XKR9: variants seen among roughly 807,000 people sequenced by gnomAD.
XKR9 encodes the protein XK related 9.
XKR9 carries 32 observed loss-of-function variants against 32.0 expected under a neutral mutation model. The observed-to-expected ratio is 1.00, with a 90% confidence interval of 0.76 to 1.34. The LOEUF is 1.34. XKR9 is among the 40% of genes most tolerant of loss of function. The probability of loss-of-function intolerance (pLI) is 0.00; values close to 1 mark genes in which losing one functional copy is unlikely to be tolerated. For synonymous variants in XKR9, 168 were observed against 143.4 expected (o/e 1.17, Z -1.22); for missense variants, 546 against 429.7 (o/e 1.27, Z -2.39).
At chr8:70,976,765 A>G in the XKR9 span, among the ~76,000 whole-genome samples, 3 of 152,140 alleles carry the variant, frequency 2.0e-5, no homozygotes, top group South Asian at 6.2e-4. Flanking sequence ...CTCTTTTTCT[A>G]TTGATTGGAA....
the XKR9 span, among the ~76,000 whole-genome samples, chr8:71,042,243 A>T: frequency 1.3e-5 from 2 of 152,130 alleles, no homozygotes; most frequent in Admixed American, 6.5e-5. Flanking sequence ...CATATCTACC[A>T]AGGGAAGCAC....
In XKR9 at chr8:70,734,572, A is replaced by T. The variant is rs945020654; in HGVS notation, c.*148A>T. 7.2e-5 allele frequency: 76 copies of T among 1,062,658 alleles called. 3 individuals are homozygous for T. Among genetic ancestry groups the T allele is most frequent in the Admixed American group, 5.7e-4 (14 of 24,594 alleles). The allele number at this position is 1,062,658 out of a possible 1,614,324, so 65.8% of individuals were successfully genotyped here. On this transcript the variant is annotated 3_prime_UTR_variant, in exon 5 of 5. Coordinates refer to ENST00000408926, the MANE Select transcript of XKR9 (RefSeq NM_001011720.2). ...AATAGGAGATACATAGTAGTATTTT[A>T]TTTTTAAAATTAATTTCTCATTTGG...
chr8:70,873,041 T>G, the XKR9 span, among the ~76,000 whole-genome samples: 2 of 152,214 alleles, frequency 1.3e-5, no homozygotes, highest in African/African-American at 2.4e-5. Context: ...CTGAATTGAC[T>G]CTGCCTGTGC....
intron 3 of XKR9, among the ~76,000 whole-genome samples, chr8:70,704,791 C>G (rs1038198697): frequency 6.6e-6 from 1 of 152,128 alleles, no homozygotes; most frequent in African/African-American, 2.4e-5. Context: ...TGTCAGATAC[C>G]CAGAAAAGGC....
chr8:70,797,297 G>A, the XKR9 span, among the ~76,000 whole-genome samples: 1 of 152,146 alleles, frequency 6.6e-6, no homozygotes, highest in African/African-American at 2.4e-5. Context: ...GGAAAGGACA[G>A]GCACATGAAC....
At chr8:70,829,235 T>G in the XKR9 span, among the ~76,000 whole-genome samples, 1 of 152,194 alleles carries the variant, frequency 6.6e-6, no homozygotes, top group Non-Finnish European at 1.5e-5. Context: ...TTATTTCGGA[T>G]AAGAAAAATA....
At chr8:70,888,289 A>T in the XKR9 span, among the ~76,000 whole-genome samples, 1 of 150,686 alleles carries the variant, frequency 6.6e-6, no homozygotes, top group African/African-American at 2.4e-5. Context: ...TTTAAATTAG[A>T]TTATTTGCTT....
chr8:70,927,709 C>T, the XKR9 span, among the ~76,000 whole-genome samples: 9 of 152,118 alleles, frequency 5.9e-5, no homozygotes, highest in African/African-American at 2.2e-4. Flanking sequence ...AAGGACCTGC[C>T]TGTTGATACC....
At chr8:70,738,417 T>G (rs866990360), downstream of XKR9, among the ~76,000 whole-genome samples, 1 of 148,822 alleles carries the variant, frequency 6.7e-6, no homozygotes, top group Admixed American at 6.7e-5. Context: ...TTTCAAAAAA[T>G]CAGCTCCTGG....
At chr8:70,909,708 T>C in the XKR9 span, among the ~76,000 whole-genome samples, 1 of 141,920 alleles carries the variant, frequency 7.0e-6, no homozygotes, top group Admixed American at 7.0e-5. Flanking sequence ...TTATCCTTTT[T>C]TTTTTTTTTT....
At chr8:70,720,298 C>T (rs1457841031) in intron 4 of XKR9, among the ~76,000 whole-genome samples, 1 of 152,116 alleles carries the variant, frequency 6.6e-6, no homozygotes, top group African/African-American at 2.4e-5. Flanking sequence ...ATTTCTTTCT[C>T]TTGCCTGATT....
chr8:70,801,863 A>G, the XKR9 span, among the ~76,000 whole-genome samples: 6 of 151,790 alleles, frequency 4.0e-5, no homozygotes, highest in African/African-American at 1.2e-4. Flanking sequence ...GTGCATATAT[A>G]TGTACAATAG....
In XKR9 at chr8:70,726,628, T is replaced by TACC. The variant is rs1438209488; in HGVS notation, c.494-7166_494-7165insCAC. Among the ~76,000 whole-genome samples, 5 of 152,322 alleles carry TACC rather than the reference T, an allele frequency of 3.3e-5. No individual in the cohort carries two copies. The East Asian group carries it at 9.6e-4, about 29-fold the overall frequency. ...TACCAGTATGATTCTGAGGACAAATTACAATCAAAGCAATGGCTACCAAGA... is the reference window on the plus strand; with the variant it reads ...TACCAGTATGATTCTGAGGACAAATTACCACAATCAAAGCAATGGCTACCAAGA... On this transcript the variant is annotated intron_variant, in intron 4 of 4. Transcript: ENST00000408926.
chr8:70,693,172 G>A (rs1304225144), intron 3 of XKR9, among the ~76,000 whole-genome samples: 3 of 152,174 alleles, frequency 2.0e-5, no homozygotes, highest in South Asian at 2.1e-4. Context: ...ATCTCTGCAT[G>A]TGGGTATTTC....
chr8:70,894,224 A>T, the XKR9 span, among the ~76,000 whole-genome samples: 1 of 151,788 alleles, frequency 6.6e-6, no homozygotes, highest in Non-Finnish European at 1.5e-5. Context: ...GTTTGACAGT[A>T]TACTAGATTC....
the XKR9 span, among the ~76,000 whole-genome samples, chr8:70,964,353 G>T: frequency 6.6e-6 from 1 of 152,156 alleles, no homozygotes; most frequent in South Asian, 2.1e-4. Context: ...GTACCTTGCT[G>T]TTTTGGTTAC....
the XKR9 span, among the ~76,000 whole-genome samples, chr8:70,819,581 A>G: frequency 6.6e-6 from 1 of 152,200 alleles, no homozygotes; most frequent in Non-Finnish European, 1.5e-5. Flanking sequence ...AAGTCACTTA[A>G]TATCTCTGAG....
chr8:70,949,499 T>A, the XKR9 span, among the ~76,000 whole-genome samples: 1 of 151,996 alleles, frequency 6.6e-6, no homozygotes, highest in South Asian at 2.1e-4. Flanking sequence ...TAATATTAAA[T>A]CTTTCAGATT....
chr8:70,759,942 T>C (rs1448819916), intron 2 of XKR9, among the ~76,000 whole-genome samples: 1 of 152,236 alleles, frequency 6.6e-6, no homozygotes, highest in Non-Finnish European at 1.5e-5. Context: ...GGTGATTGCT[T>C]AAAGACTACA....
Sources: allele counts gnomAD v4.1 joint callset (sites outside exome capture counted in the v4.1 genomes callset), GRCh38; gene constraint gnomAD v4.1.1; transcripts MANE v1.5; gene names NCBI Gene and HGNC (gene_info 2026-07-23, HGNC 2026-07-21).